The following CIMAP2 variants were observed in gnomAD, a reference collection of about 807,000 sequenced individuals.
The protein encoded by CIMAP2 is ciliary microtubule-associated protein 2.
chr1:54,812,093 G>C, the CIMAP2 span: 3 of 1,614,164 alleles, frequency 1.9e-6, no homozygotes, highest in Non-Finnish European at 2.5e-6. Flanking sequence ...GCGACCTTGA[G>C]ACATATGTGG....
chr1:54,817,106 C>T, the CIMAP2 span: 19 of 1,613,966 alleles, frequency 1.2e-5, no homozygotes, highest in African/African-American at 9.3e-5. Context: ...AGACCTGGCC[C>T]GGGACATGCT....
chr1:54,840,373 A>C, the CIMAP2 span, among the ~76,000 whole-genome samples: 24 of 152,206 alleles, frequency 1.6e-4, 1 homozygote, highest in Non-Finnish European at 5.9e-5. Flanking sequence ...CAGTTTGTTT[A>C]TCCATTCCTA....
At chr1:54,809,414 G>A in the CIMAP2 span, among the ~76,000 whole-genome samples, 1 of 152,212 alleles carries the variant, frequency 6.6e-6, no homozygotes, top group African/African-American at 2.4e-5. Flanking sequence ...GATACCTGGA[G>A]CATTTAAAAA....
the CIMAP2 span, among the ~76,000 whole-genome samples, chr1:54,818,610 A>G: frequency 2.0e-5 from 3 of 150,978 alleles, no homozygotes; most frequent in East Asian, 5.8e-4. Context: ...TTTTTCTTTT[A>G]AGATGAGGTC....
the CIMAP2 span, among the ~76,000 whole-genome samples, chr1:54,829,766 G>A: frequency 1.3e-5 from 2 of 152,154 alleles, no homozygotes; most frequent in African/African-American, 4.8e-5. Context: ...CATGAAGGCA[G>A]TGCTTTCTCA....
the CIMAP2 span, among the ~76,000 whole-genome samples, chr1:54,813,426 C>A: frequency 1.3e-5 from 2 of 152,328 alleles, no homozygotes; most frequent in East Asian, 3.9e-4. Context: ...AGTTTCACTG[C>A]CGTCCAAATC....
At chr1:54,837,016 T>C in the CIMAP2 span, among the ~76,000 whole-genome samples, 2 of 152,066 alleles carry the variant, frequency 1.3e-5, no homozygotes, top group Non-Finnish European at 2.9e-5. Context: ...AATGTTAGGA[T>C]GGGACTCACC....
At chr1:54,817,114 G>A in the CIMAP2 span, 19 of 1,614,082 alleles carry the variant, frequency 1.2e-5, no homozygotes, top group Non-Finnish European at 1.5e-5. Flanking sequence ...CCCGGGACAT[G>A]CTCATGCAGT....
At chr1:54,831,195 T>C in the CIMAP2 span, among the ~76,000 whole-genome samples, 1 of 152,226 alleles carries the variant, frequency 6.6e-6, no homozygotes, top group Non-Finnish European at 1.5e-5. Context: ...AGGAAAAGAA[T>C]TGGGACTTTG....
the CIMAP2 span, among the ~76,000 whole-genome samples, chr1:54,839,782 ACT>A: frequency 4.0e-5 from 6 of 151,816 alleles, no homozygotes; most frequent in African/African-American, 1.5e-4. Flanking sequence ...TAGTGTCAAC[ACT>A]CTGTCACCCA....
At chr1:54,834,400 A>G in the CIMAP2 span, among the ~76,000 whole-genome samples, 1 of 152,214 alleles carries the variant, frequency 6.6e-6, no homozygotes, top group East Asian at 1.9e-4. Context: ...AAAGGAACTC[A>G]TGAGAAACTT....
At chr1:54,842,174 C>T in the CIMAP2 span, 2 of 479,458 alleles carry the variant, frequency 4.2e-6, no homozygotes, top group African/African-American at 1.9e-5. Context: ...AGGGATGGGA[C>T]GTAGTTGACA....
the CIMAP2 span, among the ~76,000 whole-genome samples, chr1:54,839,699 A>G: frequency 6.6e-6 from 1 of 152,010 alleles, no homozygotes; most frequent in Non-Finnish European, 1.5e-5. Context: ...TTATTATAGC[A>G]TAACTCACAT....
At chr1:54,813,914 A>T in the CIMAP2 span, 2 of 1,613,622 alleles carry the variant, frequency 1.2e-6, no homozygotes, top group Non-Finnish European at 1.7e-6. Context: ...CTTCCCCGAA[A>T]CCCGAAAACC....
chr1:54,831,653 CA>C, the CIMAP2 span, among the ~76,000 whole-genome samples: 5 of 145,660 alleles, frequency 3.4e-5, no homozygotes, highest in African/African-American at 1.3e-4. Flanking sequence ...AACTCCATCT[CA>C]AAAAAAAAGA....
At chr1:54,820,688 A>G in the CIMAP2 span, among the ~76,000 whole-genome samples, 2 of 152,102 alleles carry the variant, frequency 1.3e-5, no homozygotes, top group Non-Finnish European at 2.9e-5. Flanking sequence ...ATGATTTGTG[A>G]TGTCAAGCAT....
At chr1:54,811,765 G>GGCGGGGGGGGGGGGC in the CIMAP2 span, 2 of 1,301,330 alleles carry the variant, frequency 1.5e-6, no homozygotes, top group Non-Finnish European at 2.2e-6. Flanking sequence ...GGTTCTGACA[G>GGCGGGGGGGGGGGGC]CCTCCATGCC....
chr1:54,811,765 G>GCGGGGGGGGGGGGGGCCCCCCCCCC, the CIMAP2 span: 5 of 1,301,326 alleles, frequency 3.8e-6, no homozygotes, highest in Non-Finnish European at 4.4e-6. Context: ...GGTTCTGACA[G>GCGGGGGGGGGGGGGGCCCCCCCCCC]CCTCCATGCC....
the CIMAP2 span, among the ~76,000 whole-genome samples, chr1:54,826,295 C>T: frequency 6.6e-6 from 1 of 152,186 alleles, no homozygotes; most frequent in Admixed American, 6.5e-5. Flanking sequence ...TTTCTTTGCC[C>T]TAGGTCAGCT....
Sources: gnomAD v4.1 joint callset for allele counts (sites outside exome capture counted in the v4.1 genomes callset) on GRCh38, gnomAD v4.1.1 for gene constraint, MANE v1.5 for transcripts, NCBI Gene and HGNC (gene_info 2026-07-23, HGNC 2026-07-21) for gene names.